Variants in SLC48A1 observed in about 807,000 individuals in gnomAD.
SLC48A1 encodes the protein solute carrier family 48 member 1, also known as heme transporter HRG1.
In SLC48A1, 6 loss-of-function variants were observed where a neutral mutation model predicts 14.8. That is an observed-to-expected ratio of 0.41 (90% CI 0.22 to 0.80). The LOEUF is 0.80. Ranked by LOEUF, SLC48A1 falls within the 30% of genes least tolerant of loss-of-function variation. The probability of loss-of-function intolerance (pLI) is 0.34; values close to 1 mark genes in which losing one functional copy is unlikely to be tolerated. For synonymous variants in SLC48A1, 89 were observed against 90.0 expected, an observed-to-expected ratio of 0.99 and a Z score of 0.06; for missense variants, 165 against 204.8, an observed-to-expected ratio of 0.81 and a Z score of 1.19.
At chr12:47,754,899 C>T (rs1038244026), upstream of SLC48A1, among the ~76,000 whole-genome samples, 1 of 152,194 alleles carries the variant, frequency 6.6e-6, no homozygotes, top group African/African-American at 2.4e-5. Flanking sequence ...TCCCCTGGCA[C>T]CAGCACTGTG....
chr12:47,772,335 G>A (rs1942644446), upstream of SLC48A1: 1 of 154,724 alleles, frequency 6.5e-6, no homozygotes, highest in Non-Finnish European at 1.5e-5. Flanking sequence ...GATCCCGAGG[G>A]TCAGGGTGAG....
upstream of SLC48A1, chr12:47,755,747 G>A (rs1942017337): frequency 6.6e-6 from 1 of 152,282 alleles, no homozygotes; most frequent in African/African-American, 2.4e-5. Context: ...CTGGGAGGTT[G>A]ATGGGTTTTC....
rs1942863245 is a variant in SLC48A1 at position 47,781,031 on chromosome 12, C to T, written c.*750C>T. 1 of 432,736 alleles carries T rather than the reference C, an allele frequency of 2.3e-6. No homozygotes were observed. Among genetic ancestry groups the T allele is most frequent in the Non-Finnish European group, 4.6e-6 (1 of 216,798 alleles). The allele number at this position is 432,736 out of a possible 1,614,324, so 26.8% of individuals were successfully genotyped here. On this transcript the variant is annotated 3_prime_UTR_variant, in exon 3 of 3. Coordinates refer to ENST00000442218, the MANE Select transcript of SLC48A1 (RefSeq NM_017842.3). ...TCTCTTCCCAAGGCCAGGTTGGGCA[C>T]CTGGGGAGGTCAGTTCAGAAATATC...
At chr12:47,766,273 C>T (rs1314305220) in intron 2 of SLC48A1, among the ~76,000 whole-genome samples, 1 of 152,106 alleles carries the variant, frequency 6.6e-6, no homozygotes, top group African/African-American at 2.4e-5. Flanking sequence ...ACCCCTCTGC[C>T]AGGCTTTTCC....
At chr12:47,773,503 G>T in intron 1 of SLC48A1, 63 bp downstream of exon 1, 1 of 1,251,484 alleles carries the variant, frequency 8.0e-7, no homozygotes, top group South Asian at 2.7e-5. Flanking sequence ...GCCGTCAGCT[G>T]CTCCAGGACG....
In SLC48A1 at chr12:47,782,557, T is replaced by C. The variant is rs1474549413; in HGVS notation, c.*2276T>C. 1.3e-5 allele frequency: 2 copies of C among 152,244 alleles called. No homozygotes were observed. The highest frequency in any genetic ancestry group is 2.4e-5 in the African/African-American group (1 of 41,456). The allele number at this position is 152,244 out of a possible 1,614,324, so 9.4% of individuals were successfully genotyped here. On this transcript the variant is annotated 3_prime_UTR_variant, in exon 3 of 3. Transcript: ENST00000442218. ...GCCAGGGTGTGTTCAGAATGGGTTC[T>C]TCCTGCAGGGCAGGAAGGGCAGATT...
chr12:47,768,065 C>T (rs1942554847), upstream of SLC48A1, among the ~76,000 whole-genome samples: 2 of 152,178 alleles, frequency 1.3e-5, no homozygotes, highest in Non-Finnish European at 2.9e-5. Flanking sequence ...GCAACCTCCA[C>T]CTCCCAGGTT....
In SLC48A1 at chr12:47,781,595, T is replaced by C. The variant is rs1942879133; in HGVS notation, c.*1314T>C. 1.3e-5 allele frequency: 2 copies of C among 152,930 alleles called. No homozygotes were observed. Among genetic ancestry groups the C allele is most frequent in the Non-Finnish European group, 2.9e-5 (2 of 68,270 alleles). The allele number at this position is 152,930 out of a possible 1,614,324, so 9.5% of individuals were successfully genotyped here. Reference sequence around the variant, plus strand: ...GCACGGTCTCCCCCTTCCCATCTGATGTGTCCTGCCCCTCAGCTCTTTGCC... The same window carrying C: ...GCACGGTCTCCCCCTTCCCATCTGACGTGTCCTGCCCCTCAGCTCTTTGCC... On this transcript the variant is annotated 3_prime_UTR_variant, in exon 3 of 3. Coordinates refer to ENST00000442218, the MANE Select transcript of SLC48A1 (RefSeq NM_017842.3).
upstream of SLC48A1, chr12:47,756,474 G>A (rs1224484389): frequency 1.3e-5 from 2 of 152,242 alleles, no homozygotes; most frequent in Non-Finnish European, 2.9e-5. Flanking sequence ...CCAGGCTCAT[G>A]ATAAGGAAGA....
chr12:47,778,903 C>T (rs893410836), intron 1 of SLC48A1, 125 bp from the exon 2 acceptor site: 3 of 1,168,580 alleles, frequency 2.6e-6, no homozygotes, highest in Non-Finnish European at 2.3e-6. Flanking sequence ...AGGAAAACTC[C>T]ATTCTATGAG....
chr12:47,780,751 G>C lies in SLC48A1; in HGVS notation c.*470G>C, dbSNP rs139087915. ...CCGGCAAATTTTTGTGTTTTTAGTA[G>C]AGACAGGGTTTTGCCATGTTGGCCA... On this transcript the variant is annotated 3_prime_UTR_variant, in exon 3 of 3. Transcript: ENST00000442218. The C allele has an allele frequency of 2.5e-6, 1 of 408,052 alleles. No individual in the cohort carries two copies. The highest frequency in any genetic ancestry group is 4.9e-6 in the Non-Finnish European group (1 of 205,780). The allele number at this position is 408,052 out of a possible 1,614,324, so 25.3% of individuals were successfully genotyped here.
At chr12:47,758,959 G>A (rs1942268794) in intron 1 of SLC48A1, 2 of 1,013,566 alleles carry the variant, frequency 2.0e-6, no homozygotes, top group Non-Finnish European at 2.4e-6. Context: ...CGGAGGGGGC[G>A]GGGTGGAGGC....
intron 1 of SLC48A1, chr12:47,759,001 G>T: frequency 2.0e-6 from 2 of 991,830 alleles, no homozygotes; most frequent in Non-Finnish European, 2.4e-6. Flanking sequence ...ATGCGTAGGG[G>T]AAGGGGGCCG....
chr12:47,757,995 G>T, upstream of SLC48A1: 1 of 1,573,214 alleles, frequency 6.4e-7, no homozygotes, highest in Non-Finnish European at 8.6e-7. Context: ...CGTCAGGGAG[G>T]GCTCCCACCC....
At chr12:47,779,304 A>G in intron 2 of SLC48A1, 109 bp downstream of exon 2, 3 of 1,374,486 alleles carry the variant, frequency 2.2e-6, no homozygotes, top group Non-Finnish European at 2.9e-6. Context: ...TGGGTGAATT[A>G]CTTAACCTCC....
chr12:47,773,464 C>G (rs769167690), intron 1 of SLC48A1, 24 bp downstream of exon 1: 8 of 1,316,330 alleles, frequency 6.1e-6, no homozygotes, highest in East Asian at 3.2e-5. Context: ...CTGGGCGGCG[C>G]GGGGCGGGTG....
At chr12:47,770,973 C>T (rs780400072), upstream of SLC48A1, 25 of 455,728 alleles carry the variant, frequency 5.5e-5, no homozygotes, top group Admixed American at 4.2e-4. Context: ...AAATGCACTC[C>T]GGACCACGGG....
chr12:47,779,434 T>C (rs1942818573), intron 2 of SLC48A1, among the ~76,000 whole-genome samples: 1 of 152,216 alleles, frequency 6.6e-6, no homozygotes, highest in South Asian at 2.1e-4. Flanking sequence ...CAAGCACTCC[T>C]GATATTGGGA....
upstream of SLC48A1, chr12:47,758,178 T>C: frequency 6.8e-7 from 1 of 1,466,094 alleles, no homozygotes; most frequent in Non-Finnish European, 9.0e-7. Context: ...TAGAGTCCTC[T>C]GGACTGGTCA....
Sources: gnomAD v4.1 joint callset for allele counts (sites outside exome capture counted in the v4.1 genomes callset) on GRCh38, gnomAD v4.1.1 for gene constraint, MANE v1.5 for transcripts, NCBI Gene and HGNC (gene_info 2026-07-23, HGNC 2026-07-21) for gene names.